The following ZNF512 variants were observed in gnomAD, a reference collection of about 807,000 sequenced individuals.
ZNF512 encodes zinc finger protein 512.
ZNF512 carries 25 observed loss-of-function variants against 77.5 expected under a neutral mutation model. That is an observed-to-expected ratio of 0.32 (90% confidence interval 0.23 to 0.45). The LOEUF is 0.45. Among genes scored for constraint, ZNF512 ranks in the 20% least tolerant of loss-of-function variants. ZNF512 has a pLI of 1.00. For synonymous variants in ZNF512, 246 were observed against 239.9 expected (o/e 1.03, Z -0.24); for missense variants, 483 against 692.6 (o/e 0.70, Z 3.40).
chr2:27,621,048 A>G (rs1673098450), intron 13 of ZNF512, 105 bp from the exon 14 acceptor site: 1 of 1,268,974 alleles, frequency 7.9e-7, no homozygotes, highest in Non-Finnish European at 1.1e-6. Flanking sequence ...TTTCCTTCTT[A>G]CTGTGTTCTG....
chr2:27,584,534 A>G (rs1671247112), intron 2 of ZNF512, among the ~76,000 whole-genome samples: 1 of 152,224 alleles, frequency 6.6e-6, no homozygotes, highest in Admixed American at 6.5e-5. Flanking sequence ...AGCAGTCTAG[A>G]AGGGGAGATA....
chr2:27,607,676 C>CT (rs35582288), intron 9 of ZNF512, among the ~76,000 whole-genome samples, 169 bp from the exon 10 acceptor site: 13 of 152,132 alleles, frequency 8.5e-5, no homozygotes, highest in Admixed American at 1.3e-4. Flanking sequence ...CCCTAAGAAG[C>CT]TTTTTTTACC....
intron 2 of ZNF512, among the ~76,000 whole-genome samples, chr2:27,596,606 C>T (rs560587366): frequency 6.6e-6 from 1 of 152,238 alleles, no homozygotes; most frequent in Non-Finnish European, 1.5e-5. Flanking sequence ...ATTTGGGGCA[C>T]TTCTCCCAAC....
intron 11 of ZNF512, among the ~76,000 whole-genome samples, chr2:27,615,889 C>T (rs986022020): frequency 7.9e-5 from 12 of 152,030 alleles, no homozygotes; most frequent in Non-Finnish European, 1.8e-4. Flanking sequence ...ACTATCACAG[C>T]TATAGTAGAT....
intron 4 of ZNF512, 137 bp from the exon 5 acceptor site, chr2:27,599,833 C>A: frequency 1.7e-6 from 2 of 1,181,352 alleles, no homozygotes; most frequent in Non-Finnish European, 2.5e-6. Context: ...CCTCATTATA[C>A]CCTTTCATTC....
Position 27,621,924 on chromosome 2 carries a change from G to A in ZNF512, c.*463G>A, listed in dbSNP as rs2148052352. ...TGTGATATAACAAGTCTAGAAGTTA[G>A]AACTGTTGTCATTCACATAATAAGA... On this transcript the variant is annotated 3_prime_UTR_variant, in exon 14 of 14. Coordinates refer to ENST00000355467, the MANE Select transcript of ZNF512 (RefSeq NM_032434.4). 1.3e-5 allele frequency: 2 copies of A among 159,574 alleles called. No homozygotes were observed. Among genetic ancestry groups the A allele is most frequent in the South Asian group, 3.4e-4 (2 of 5,926 alleles). The allele number at this position is 159,574 out of a possible 1,614,324, so 9.9% of individuals were successfully genotyped here.
intron 12 of ZNF512, 38 bp downstream of exon 12, chr2:27,616,362 T>C: frequency 6.7e-7 from 1 of 1,483,504 alleles, no homozygotes; most frequent in Non-Finnish European, 9.4e-7. Flanking sequence ...TAACATGTCC[T>C]CTAAAATAGT....
intron 3 of ZNF512, among the ~76,000 whole-genome samples, chr2:27,599,355 CA>C (rs1433078586): frequency 4.0e-4 from 61 of 152,146 alleles, no homozygotes; most frequent in South Asian, 2.1e-4. Context: ...TCATAAGGAA[CA>C]ATGGATGATT....
At chr2:27,583,207 C>G (rs1179557001) in intron 1 of ZNF512, 65 bp downstream of exon 1, 3 of 1,610,194 alleles carry the variant, frequency 1.9e-6, no homozygotes, top group Admixed American at 3.3e-5. Context: ...ACACGCGGTC[C>G]CTCGCTTTTG....
At chr2:27,586,214 T>TTTGTTGTTGTTGTTGTTG (rs70953868) in intron 2 of ZNF512, among the ~76,000 whole-genome samples, 19 of 149,560 alleles carry the variant, frequency 1.3e-4, no homozygotes, top group African/African-American at 1.7e-4. Flanking sequence ...CCATCAAGTC[T>TTTGTTGTTGTTGTTGTTG]TTGTTGTTGT....
chr2:27,604,368 C>CT (rs1167560589), intron 9 of ZNF512, among the ~76,000 whole-genome samples: 5 of 150,136 alleles, frequency 3.3e-5, no homozygotes, highest in Non-Finnish European at 7.4e-5. Context: ...CCTGTGGTTT[C>CT]TTTTTTTTTA....
At chr2:27,597,357 C>T (rs1419408139) in intron 2 of ZNF512, among the ~76,000 whole-genome samples, 1 of 152,152 alleles carries the variant, frequency 6.6e-6, no homozygotes, top group Non-Finnish European at 1.5e-5. Flanking sequence ...TTCTAGGAGT[C>T]CATTGACCAC....
intron 2 of ZNF512, among the ~76,000 whole-genome samples, chr2:27,593,715 A>G (rs574398841): frequency 1.3e-5 from 2 of 149,898 alleles, no homozygotes; most frequent in East Asian, 3.9e-4. Context: ...TATCTGACCA[A>G]ACGTGGGGGA....
At chr2:27,594,394 GAC>G (rs1671749107) in intron 2 of ZNF512, among the ~76,000 whole-genome samples, 4 of 145,946 alleles carry the variant, frequency 2.7e-5, no homozygotes, top group Non-Finnish European at 3.0e-5. Flanking sequence ...GCCGGGCAGA[GAC>G]GCTCCTCACC....
intron 13 of ZNF512, among the ~76,000 whole-genome samples, chr2:27,617,798 G>A (rs755101051): frequency 2.0e-5 from 3 of 151,704 alleles, no homozygotes; most frequent in Non-Finnish European, 2.9e-5. Context: ...TCTAATCCCA[G>A]CACTTTGGGA....
rs752488868 is a variant in ZNF512 at position 27,584,501 on chromosome 2, G to A, written c.89+785G>A. On this transcript the variant is annotated intron_variant, in intron 2 of 13. Transcript: ENST00000355467. ...GTGCGCCAGTTCTGTAGTAGGTTAG[G>A]AATACAGGCATGAAAAACAACTAGC... 7.3e-4 allele frequency among the ~76,000 whole-genome samples: 111 copies of A among 152,190 alleles called. 1 individual carries two copies. Among genetic ancestry groups the A allele is most frequent in the Non-Finnish European group, 1.3e-3 (87 of 68,042 alleles).
In ZNF512 at chr2:27,622,230, C is replaced by G. The variant is rs1673150560; in HGVS notation, c.*769C>G. 1 of 152,380 alleles carries G rather than the reference C, an allele frequency of 6.6e-6. No homozygotes were observed. Among genetic ancestry groups the G allele is most frequent in the Non-Finnish European group, 1.5e-5 (1 of 68,046 alleles). The allele number at this position is 152,380 out of a possible 1,614,324, so 9.4% of individuals were successfully genotyped here. A position where few individuals can be genotyped will look rare whatever the true frequency, so the allele number is the denominator to read the frequency against. ...CTTTCCTGGAGCCCGAGGCCTCATC[C>G]ATAGCTATGATCACTTGCCCTCTGA... On this transcript the variant is annotated 3_prime_UTR_variant, in exon 14 of 14. Coordinates refer to ENST00000355467, the MANE Select transcript of ZNF512 (RefSeq NM_032434.4).
chr2:27,599,981 C>T lies in ZNF512; in HGVS notation c.385C>T (p.Arg129Trp), dbSNP rs767038845. The T allele has an allele frequency of 3.1e-6, 5 of 1,614,160 alleles. No individual in the cohort carries two copies. Among genetic ancestry groups the T allele is most frequent in the South Asian group, 1.1e-5 (1 of 91,076 alleles). Reference sequence around the variant, plus strand: ...CTGTCTTATGTCAGGGAGGAAGCAACGGCCTAAAACTCAGCCCAATCCCAA... The same window carrying T: ...CTGTCTTATGTCAGGGAGGAAGCAATGGCCTAAAACTCAGCCCAATCCCAA... ...KKHKLYGRKQ[R>W]PKTQPNPKSQ... The change falls in exon 5 of 14, where the codon CGG becomes TGG. Residue 129 changes from arginine to tryptophan, a missense_variant. Physicochemically the swap from Arg to Trp is moderately radical, Grantham distance 101 (BLOSUM62 -3). This residue lies in a region of ZNF512 where 159 missense variants were observed against 167.5 expected (regional missense o/e 0.95). Coordinates refer to ENST00000355467, the MANE Select transcript of ZNF512 (RefSeq NM_032434.4).
At chr2:27,602,390 C>G (rs544492498) in intron 7 of ZNF512, 73 bp from the exon 8 acceptor site, 1 of 1,452,548 alleles carries the variant, frequency 6.9e-7, no homozygotes, top group African/African-American at 1.4e-5. Flanking sequence ...CTTGATTCTC[C>G]TCTGATATTT....
Sources: allele counts gnomAD v4.1 joint callset (sites outside exome capture counted in the v4.1 genomes callset), GRCh38; gene constraint gnomAD v4.1.1; regional missense constraint gnomAD v4.1.1; transcripts MANE v1.5; gene names NCBI Gene and HGNC (gene_info 2026-07-23, HGNC 2026-07-21).